KMT2A: variants seen among roughly 807,000 people sequenced by gnomAD.
KMT2A encodes the protein lysine methyltransferase 2A, also known as histone-lysine N-methyltransferase 2A.
Under a neutral mutation model 345.3 loss-of-function variants are expected in KMT2A, and 16 were observed. That is an observed-to-expected ratio of 0.05 (90% CI 0.03 to 0.07). The LOEUF is 0.07. KMT2A is among the 10% of genes least tolerant of loss of function. The pLI, the probability that KMT2A is intolerant of heterozygous loss-of-function variation, is 1.00. For missense variants in KMT2A, 3,272 were observed against 4,841.6 expected, an observed-to-expected ratio of 0.68 and a Z score of 9.62; for synonymous variants, 1,599 against 1,778.6, an observed-to-expected ratio of 0.90 and a Z score of 2.54.
At chr11:118,438,195 C>A (rs1949238739) in intron 1 of KMT2A, among the ~76,000 whole-genome samples, 1 of 151,976 alleles carries the variant, frequency 6.6e-6, no homozygotes, top group South Asian at 2.1e-4. Flanking sequence ...CAAAGTTATT[C>A]CTTAGAAAGG....
intron 1 of KMT2A, among the ~76,000 whole-genome samples, chr11:118,463,039 T>A (rs1949775227): frequency 6.6e-6 from 1 of 152,234 alleles, no homozygotes; most frequent in Admixed American, 6.5e-5. Context: ...ATAGTTACAT[T>A]TTGTAAAAGT....
At chr11:118,470,213 T>TA (rs1403634467) in intron 2 of KMT2A, among the ~76,000 whole-genome samples, 1 of 152,226 alleles carries the variant, frequency 6.6e-6, no homozygotes, top group Non-Finnish European at 1.5e-5. Context: ...TCAGAATTGA[T>TA]AAAGCCCTCT....
intron 1 of KMT2A, among the ~76,000 whole-genome samples, chr11:118,457,520 G>A (rs1259658608): frequency 6.0e-5 from 9 of 151,166 alleles, no homozygotes; most frequent in African/African-American, 9.7e-5. Context: ...ATCCACCTGC[G>A]TTGGCCTCCC....
At position 118,436,936 on chromosome 11, in the gene KMT2A, A is replaced by G; in HGVS notation, c.424A>G (p.Ser142Gly). ...VFGESGGGGG[S>G]GEDEQFLGFG... Reference sequence around the variant, plus strand: ...TGGGGAGAGCGGCGGGGGAGGCGGCAGCGGAGAGGTAAGGGGGCGAGGAAC... The same window carrying G: ...TGGGGAGAGCGGCGGGGGAGGCGGCGGCGGAGAGGTAAGGGGGCGAGGAAC... The change falls in exon 1 of 36, where the codon AGC (serine) becomes GGC (glycine). Residue 142 changes from serine (S) to glycine (G), a missense_variant. Around this residue, in one of 27 missense-constraint regions of KMT2A, gnomAD observed 412 missense variants for 511.0 expected, o/e 0.81. Transcript: ENST00000534358. This position sits in a 1 kb window ranked among gnomAD's most constrained non-coding sequence, Gnocchi z 6.9. 6.5e-7 allele frequency: 1 copy of G among 1,533,964 alleles called. No homozygotes were observed. The highest frequency in any genetic ancestry group is 8.8e-7 in the Non-Finnish European group (1 of 1,137,600).
At chr11:118,463,469 C>G (rs1275822088) in intron 1 of KMT2A, among the ~76,000 whole-genome samples, 1 of 152,138 alleles carries the variant, frequency 6.6e-6, no homozygotes, top group Non-Finnish European at 1.5e-5. Flanking sequence ...GAGTATAATT[C>G]AGGAAAAGAA....
In KMT2A at chr11:118,481,748, G is replaced by A; in HGVS notation, c.3668G>A (p.Ser1223Asn). 1 of 1,613,694 alleles carries A rather than the reference G, an allele frequency of 6.2e-7. No homozygotes were observed. The highest frequency in any genetic ancestry group is 8.5e-7 in the Non-Finnish European group (1 of 1,179,898). The change falls in exon 7 of 36, where the codon AGT (serine) becomes AAT (asparagine). Residue 1223 changes from serine to asparagine, a missense_variant. This residue lies in a region of KMT2A where 168 missense variants were observed against 216.0 expected (regional missense o/e 0.78). Transcript: ENST00000534358. ...AAGAAAGAGAAAAAGTCTAAGACCAGTGAAAAGAAAGACAGCAAAGAGAGC... is the reference window on the plus strand; with the variant it reads ...AAGAAAGAGAAAAAGTCTAAGACCAATGAAAAGAAAGACAGCAAAGAGAGC... ...VKKKEKKSKT[S>N]EKKDSKESSV...
chr11:118,491,596 T>C lies in KMT2A; in HGVS notation c.4820-148T>C. On this transcript the variant is annotated intron_variant, in intron 14 of 35. Coordinates refer to ENST00000534358, the MANE Select transcript of KMT2A (RefSeq NM_001197104.2). The surrounding 1 kb of genome is among the most constrained non-coding windows in gnomAD (Gnocchi z 4.2). Reference sequence around the variant, plus strand: ...TAATTAATAATGCCACTTTTTGAGATCAATATGTGTCATATCCATGAGGAC... The same window carrying C: ...TAATTAATAATGCCACTTTTTGAGACCAATATGTGTCATATCCATGAGGAC... 1.5e-6 allele frequency: 1 copy of C among 670,364 alleles called. No homozygotes were observed. The allele number at this position is 670,364 out of a possible 1,614,324, so 41.5% of individuals were successfully genotyped here.
At chr11:118,466,671 C>T (rs1555034153) in intron 1 of KMT2A, among the ~76,000 whole-genome samples, 1 of 151,810 alleles carries the variant, frequency 6.6e-6, no homozygotes, top group Non-Finnish European at 1.5e-5. Flanking sequence ...CAAAATTAGC[C>T]AGGTGTGGTG....
intron 22 of KMT2A, among the ~76,000 whole-genome samples, 192 bp from the exon 23 acceptor site, chr11:118,499,111 A>C (rs978634697): frequency 2.0e-5 from 3 of 152,212 alleles, no homozygotes; most frequent in Non-Finnish European, 4.4e-5. Flanking sequence ...CAAGATGATA[A>C]ACTGTTTTGC....
chr11:118,495,974 T>C lies in KMT2A; in HGVS notation c.5557+81T>C. On this transcript the variant is annotated intron_variant, in intron 19 of 35. Transcript: ENST00000534358. This position sits in a 1 kb window ranked among gnomAD's most constrained non-coding sequence, Gnocchi z 4.1. Reference sequence around the variant, plus strand: ...CTTCGTGAATCCAATTCACTAAAATTAGATATACTTGGATATCAGAAAGGA... The same window carrying C: ...CTTCGTGAATCCAATTCACTAAAATCAGATATACTTGGATATCAGAAAGGA... 8.3e-7 allele frequency: 1 copy of C among 1,201,792 alleles called. No individual in the cohort carries two copies. Among genetic ancestry groups the C allele is most frequent in the Admixed American group, 2.2e-5 (1 of 44,454 alleles). 74.4% of individuals were successfully genotyped at this position (1,201,792 alleles called of 1,614,324 possible).
At chr11:118,489,324 G>A (rs909689123) in intron 11 of KMT2A, among the ~76,000 whole-genome samples, 1 of 151,922 alleles carries the variant, frequency 6.6e-6, no homozygotes, top group African/African-American at 2.4e-5. Context: ...GGGCATCCAT[G>A]GACTTTGGTA....
At position 118,509,120 on chromosome 11, in the gene KMT2A, T is replaced by C; in HGVS notation, c.10836-16T>C. 1 of 1,611,076 alleles carries C rather than the reference T, an allele frequency of 6.2e-7. No individual in the cohort carries two copies. The highest frequency in any genetic ancestry group is 8.5e-7 in the Non-Finnish European group (1 of 1,177,490). The stretch of plus-strand genomic sequence containing the variant: ...GAACTAGCTGATATTATATCTTACA[T>C]TTGGTTTTTATTTAGGCAAGTCGCT... On this transcript the variant is annotated splice_polypyrimidine_tract_variant and intron_variant, in intron 28 of 35. Coordinates refer to ENST00000534358, the MANE Select transcript of KMT2A (RefSeq NM_001197104.2).
chr11:118,484,109 G>A lies in KMT2A; in HGVS notation c.4087-74G>A. 1 of 1,372,598 alleles carries A rather than the reference G, an allele frequency of 7.3e-7. No homozygotes were observed. The highest frequency in any genetic ancestry group is 1.0e-6 in the Non-Finnish European group (1 of 988,620). 85.0% of individuals were successfully genotyped at this position (1,372,598 alleles called of 1,614,324 possible). A position where few individuals can be genotyped will look rare whatever the true frequency, so the allele number is the denominator to read the frequency against. The stretch of plus-strand genomic sequence containing the variant: ...GATCTATTAATAAAATTTGTCATTT[G>A]CATTATTATCTGTTGCAAATGTGAA... On this transcript the variant is annotated intron_variant, in intron 8 of 35. Transcript: ENST00000534358. The surrounding 1 kb of genome is among the most constrained non-coding windows in gnomAD (Gnocchi z 4.1).
chr11:118,475,988 G>A (rs1277844415), intron 3 of KMT2A, among the ~76,000 whole-genome samples: 2 of 151,714 alleles, frequency 1.3e-5, no homozygotes, highest in South Asian at 2.1e-4. Context: ...TCACTGCAAC[G>A]TCCGCCTCCC....
At chr11:118,458,369 G>T (rs1949686780) in intron 1 of KMT2A, among the ~76,000 whole-genome samples, 1 of 152,192 alleles carries the variant, frequency 6.6e-6, no homozygotes, top group Admixed American at 6.5e-5. Context: ...TTTCAGGTGT[G>T]AGCCACCTCG....
intron 31 of KMT2A, among the ~76,000 whole-genome samples, chr11:118,518,781 CA>C (rs372770910): frequency 0.016 from 1,767 of 112,106 alleles, 34 homozygotes; most frequent in African/African-American, 0.058. Flanking sequence ...GAGTCTGTCT[CA>C]AAAAAAAAAA....
rs1950472364 is a variant in KMT2A at position 118,499,870 on chromosome 11, G to A, written c.6115G>A (p.Asp2039Asn). ...AATCGACTGCTTAGGAATTCTAAAT[G>A]ATCTCTCCGACTGTGAAGATAAGCT... ...MTIDCLGILN[D>N]LSDCEDKLFP... is the part of the protein sequence containing the mutation. Residue 2039 changes from aspartate to asparagine, a missense_variant, in exon 24 of 36, where the codon GAT becomes AAT. Asp to Asn is a conservative substitution (Grantham distance 23, BLOSUM62 1). Coordinates refer to ENST00000534358, the MANE Select transcript of KMT2A (RefSeq NM_001197104.2). The A allele has an allele frequency of 6.2e-7, 1 of 1,612,802 alleles. No homozygotes were observed. The highest frequency in any genetic ancestry group is 1.3e-5 in the African/African-American group (1 of 74,884).
At chr11:118,466,445 C>T (rs529484845) in intron 1 of KMT2A, among the ~76,000 whole-genome samples, 20 of 152,338 alleles carry the variant, frequency 1.3e-4, no homozygotes, top group African/African-American at 4.3e-4. Flanking sequence ...GTATGAGCTA[C>T]TGTGCTGGCC....
At chr11:118,460,830 C>T (rs1016310681) in intron 1 of KMT2A, among the ~76,000 whole-genome samples, 3 of 152,126 alleles carry the variant, frequency 2.0e-5, no homozygotes, top group Non-Finnish European at 4.4e-5. Context: ...CCATACCCAG[C>T]TATTCTTTAG....
Sources: gnomAD v4.1 joint callset for allele counts (sites outside exome capture counted in the v4.1 genomes callset) on GRCh38, gnomAD v4.1.1 for gene constraint, gnomAD v4.1.1 regional missense constraint, Gnocchi (gnomAD v3.1) non-coding constraint, MANE v1.5 for transcripts, NCBI Gene and HGNC (gene_info 2026-07-23, HGNC 2026-07-21) for gene names.